GSAP: variants seen among roughly 807,000 people sequenced by gnomAD.
GSAP encodes the protein gamma-secretase activating protein.
GSAP carries 118 observed loss-of-function variants against 131.7 expected under a neutral mutation model. That is an observed-to-expected ratio of 0.90 (90% CI 0.77 to 1.04). The LOEUF (loss-of-function observed/expected upper bound fraction) is 1.04, where lower values mean the gene tolerates loss of function less well. Ranked by LOEUF, GSAP falls within the 50% of genes least tolerant of loss-of-function variation. The probability of loss-of-function intolerance (pLI) is 0.00; values close to 1 mark genes in which losing one functional copy is unlikely to be tolerated. For missense variants in GSAP, 1,019 were observed against 1,013.2 expected, an observed-to-expected ratio of 1.01 and a Z score of -0.08; for synonymous variants, 381 against 363.4, an observed-to-expected ratio of 1.05 and a Z score of -0.55.
In GSAP at chr7:77,311,317, A is replaced by C. The variant is rs1213697967; in HGVS notation, c.*41T>G. On this transcript the variant is annotated 3_prime_UTR_variant, in exon 31 of 31. Transcript: ENST00000257626. ...CTCAAAGGAGTAAGGTTAATGAGCA[A>C]GATTAAAATGGCAGCAGCAGATCCA... The C allele has an allele frequency of 1.8e-6, 2 of 1,110,346 alleles. No homozygotes were observed. Among genetic ancestry groups the C allele is most frequent in the South Asian group, 2.5e-5 (2 of 80,534 alleles). 68.8% of individuals were successfully genotyped at this position (1,110,346 alleles called of 1,614,324 possible). A position where few individuals can be genotyped will look rare whatever the true frequency, so the allele number is the denominator to read the frequency against.
At chr7:77,318,618 G>C (rs535888643) in intron 26 of GSAP, among the ~76,000 whole-genome samples, 4 of 152,100 alleles carry the variant, frequency 2.6e-5, no homozygotes, top group African/African-American at 9.7e-5. Context: ...GGAAAGGATC[G>C]TGTATCTCTG....
At chr7:77,381,282 C>T (rs747287798) in intron 8 of GSAP, 23 bp downstream of exon 8, 37 of 1,451,238 alleles carry the variant, frequency 2.5e-5, no homozygotes, top group Admixed American at 4.2e-5. Context: ...ACCTATGAAG[C>T]GAAAAGAATT....
chr7:77,412,282 G>A (rs1345772833), intron 1 of GSAP, among the ~76,000 whole-genome samples: 1 of 152,080 alleles, frequency 6.6e-6, no homozygotes, highest in East Asian at 1.9e-4. Flanking sequence ...GAACTAAAAG[G>A]ACTGTTTGAT....
chr7:77,416,493 C>T (rs1804497452), upstream of GSAP: 3 of 413,078 alleles, frequency 7.3e-6, no homozygotes, highest in African/African-American at 4.1e-5. Context: ...GCACCAGCTC[C>T]TCCCGGCCGG....
At chr7:77,395,905 G>T (rs1800298113) in intron 5 of GSAP, among the ~76,000 whole-genome samples, 2 of 152,246 alleles carry the variant, frequency 1.3e-5, no homozygotes, top group African/African-American at 4.8e-5. Context: ...GAGCAGAATA[G>T]TAAGAGATTG....
chr7:77,331,277 G>T (rs1266434610), intron 19 of GSAP, among the ~76,000 whole-genome samples: 1 of 152,128 alleles, frequency 6.6e-6, no homozygotes, highest in Admixed American at 6.5e-5. Context: ...CTCCAGCCTG[G>T]GTGACAGAGC....
chr7:77,311,893 CA>C lies in GSAP; in HGVS notation c.2420del (p.Leu807ArgfsTer3). ...INKSSFSVEF[L>X]PLNYFIEILT... ...GAATTTCAATGAAGTAGTTCAGAGGCAGAAATTCTACACTGAACGATGACTT... is the reference window on the plus strand; with the variant it reads ...GAATTTCAATGAAGTAGTTCAGAGGCGAAATTCTACACTGAACGATGACTT... On this transcript the variant is annotated frameshift_variant, in exon 30 of 31. Coordinates refer to ENST00000257626, the MANE Select transcript of GSAP (RefSeq NM_017439.4). LOFTEE classifies it high-confidence loss of function. 6.2e-7 allele frequency: 1 copy of C among 1,604,876 alleles called. No homozygotes were observed. Among genetic ancestry groups the C allele is most frequent in the South Asian group, 1.1e-5 (1 of 90,902 alleles).
In GSAP at chr7:77,353,018, A is replaced by G; in HGVS notation, c.1417T>C (p.Tyr473His). The change falls in exon 18 of 31, where the codon TAC becomes CAC. Residue 473 changes from tyrosine (Y) to histidine (H), a missense_variant. Coordinates refer to ENST00000257626, the MANE Select transcript of GSAP (RefSeq NM_017439.4). Reference sequence around the variant, plus strand: ...CTTGTCTCTGAATATACACTCCAGTATGAAGAAGCTGAGTAGATTTTTTTT... The same window carrying G: ...CTTGTCTCTGAATATACACTCCAGTGTGAAGAAGCTGAGTAGATTTTTTTT... ...LIQEFIIASSYWSVYSETSNM... is the reference protein window; with the variant it reads ...LIQEFIIASSHWSVYSETSNM... The G allele has an allele frequency of 1.9e-6, 3 of 1,592,836 alleles. No individual in the cohort carries two copies. Among genetic ancestry groups the G allele is most frequent in the Non-Finnish European group, 2.6e-6 (3 of 1,161,100 alleles).
At chr7:77,357,013 A>C (rs1254949097) in intron 14 of GSAP, among the ~76,000 whole-genome samples, 4 of 152,242 alleles carry the variant, frequency 2.6e-5, no homozygotes, top group Admixed American at 6.5e-5. Context: ...ACAACAATAC[A>C]GTGGGACATA....
chr7:77,339,528 A>T (rs1037841767), intron 19 of GSAP, among the ~76,000 whole-genome samples: 5 of 152,176 alleles, frequency 3.3e-5, no homozygotes, highest in African/African-American at 1.2e-4. Flanking sequence ...AGTATTAATA[A>T]CTACTAGCAG....
intron 5 of GSAP, among the ~76,000 whole-genome samples, chr7:77,388,745 G>C (rs1163398891): frequency 1.3e-5 from 2 of 152,214 alleles, no homozygotes; most frequent in Non-Finnish European, 2.9e-5. Flanking sequence ...AGCAACCTGA[G>C]AGCACTGCTT....
At chr7:77,328,757 A>C in intron 21 of GSAP, 120 bp from the exon 22 acceptor site, 13 of 657,144 alleles carry the variant, frequency 2.0e-5, no homozygotes, top group Non-Finnish European at 3.4e-5. Flanking sequence ...AACTATTCTC[A>C]AGCTGCTGAA....
intron 12 of GSAP, among the ~76,000 whole-genome samples, chr7:77,366,197 C>A (rs1013584418): frequency 4.0e-5 from 6 of 151,756 alleles, no homozygotes; most frequent in Non-Finnish European, 7.4e-5. Flanking sequence ...GTTTGGTTTA[C>A]TCTGTTAGTT....
intron 1 of GSAP, among the ~76,000 whole-genome samples, chr7:77,407,805 A>C (rs536465201): frequency 6.6e-6 from 1 of 152,360 alleles, no homozygotes; most frequent in Admixed American, 6.5e-5. Flanking sequence ...AGCAAGGGAC[A>C]CATAAGAATG....
intron 5 of GSAP, among the ~76,000 whole-genome samples, chr7:77,393,651 A>G (rs1799916470): frequency 6.7e-6 from 1 of 150,268 alleles, no homozygotes; most frequent in Non-Finnish European, 1.5e-5. Flanking sequence ...GCATGCATGC[A>G]TATATATATA....
At chr7:77,380,820 T>C (rs1367299701) in intron 8 of GSAP, among the ~76,000 whole-genome samples, 3 of 152,176 alleles carry the variant, frequency 2.0e-5, no homozygotes, top group Non-Finnish European at 4.4e-5. Flanking sequence ...TATGGTATGA[T>C]CCCATGATAT....
chr7:77,392,946 G>A (rs1583820907), intron 5 of GSAP, among the ~76,000 whole-genome samples: 1 of 152,122 alleles, frequency 6.6e-6, no homozygotes, highest in African/African-American at 2.4e-5. Flanking sequence ...TGTGGCAAAT[G>A]CAACTCCACA....
chr7:77,312,231 G>T (rs777052083), intron 28 of GSAP, 29 bp from the exon 29 acceptor site: 26 of 1,028,610 alleles, frequency 2.5e-5, no homozygotes, highest in Non-Finnish European at 3.6e-5. Context: ...AAAATGTAGC[G>T]AATACCACAC....
intron 14 of GSAP, among the ~76,000 whole-genome samples, chr7:77,357,589 G>A (rs1448670804): frequency 6.6e-6 from 1 of 152,024 alleles, no homozygotes; most frequent in Admixed American, 6.6e-5. Flanking sequence ...GAATTGCCTT[G>A]GGCCACACAT....
Sources: gnomAD v4.1 joint callset for allele counts (sites outside exome capture counted in the v4.1 genomes callset) on GRCh38, gnomAD v4.1.1 for gene constraint, MANE v1.5 for transcripts, NCBI Gene and HGNC (gene_info 2026-07-23, HGNC 2026-07-21) for gene names.